VSTM2B: variants seen among roughly 807,000 people sequenced by gnomAD.
VSTM2B encodes the protein V-set and transmembrane domain-containing protein 2B.
Under a neutral mutation model 24.0 loss-of-function variants are expected in VSTM2B, and 24 were observed. The ratio of observed to expected loss-of-function variants is 1.00; its 90% CI spans 0.72 to 1.40. The LOEUF is 1.40. Among genes scored for constraint, VSTM2B ranks in the 40% most tolerant of loss-of-function variants. VSTM2B has a pLI of 0.00. For synonymous variants in VSTM2B, 226 were observed against 194.4 expected (o/e 1.16, Z -1.35); for missense variants, 399 against 416.4 (o/e 0.96, Z 0.36).
intron 4 of VSTM2B, among the ~76,000 whole-genome samples, chr19:29,548,549 TA>T (rs1251351136): frequency 2.6e-5 from 4 of 152,168 alleles, no homozygotes; most frequent in African/African-American, 9.7e-5. Context: ...AGGCTTTTAA[TA>T]AAACATCAAC....
At position 29,564,017 on chromosome 19, in the gene VSTM2B, A is replaced by G; in HGVS notation, c.*83A>G. ...GTGAGGACCATGTCGCTGGATGGAC[A>G]CAGAGAGACTGAGAGACGCATGAAA... On this transcript the variant is annotated 3_prime_UTR_variant, in exon 5 of 5. Coordinates refer to ENST00000335523, the MANE Select transcript of VSTM2B (RefSeq NM_001146339.2). 9.5e-7 allele frequency: 1 copy of G among 1,054,750 alleles called. No individual in the cohort carries two copies. Among genetic ancestry groups the G allele is most frequent in the East Asian group, 2.6e-5 (1 of 38,326 alleles). The allele number at this position is 1,054,750 out of a possible 1,614,324, so 65.3% of individuals were successfully genotyped here.
chr19:29,539,347 G>T (rs901091725), intron 4 of VSTM2B, among the ~76,000 whole-genome samples: 1 of 152,126 alleles, frequency 6.6e-6, no homozygotes, highest in African/African-American at 2.4e-5. Context: ...CTTTCGGGTG[G>T]CAAGGAGAAG....
At chr19:29,555,197 T>A (rs1192668982) in intron 4 of VSTM2B, among the ~76,000 whole-genome samples, 1 of 152,036 alleles carries the variant, frequency 6.6e-6, no homozygotes, top group African/African-American at 2.4e-5. Context: ...AGAACTGAGA[T>A]CATAACATTC....
chr19:29,561,150 A>G (rs1053038871), intron 4 of VSTM2B, among the ~76,000 whole-genome samples: 1 of 151,970 alleles, frequency 6.6e-6, no homozygotes, highest in Non-Finnish European at 1.5e-5. Flanking sequence ...CATCTCTGCT[A>G]AAAATACAAA....
At chr19:29,561,882 G>T (rs920044179) in intron 4 of VSTM2B, among the ~76,000 whole-genome samples, 2 of 152,190 alleles carry the variant, frequency 1.3e-5, no homozygotes, top group Admixed American at 6.5e-5. Flanking sequence ...AGTGACAAAC[G>T]CAGGACGATT....
At chr19:29,541,046 T>C (rs973219347) in intron 4 of VSTM2B, among the ~76,000 whole-genome samples, 6 of 152,172 alleles carry the variant, frequency 3.9e-5, no homozygotes, top group Non-Finnish European at 7.3e-5. Context: ...TGCAAAGGCC[T>C]CACAGAAGCT....
chr19:29,532,048 C>T (rs1319917204), intron 4 of VSTM2B, among the ~76,000 whole-genome samples: 1 of 152,228 alleles, frequency 6.6e-6, no homozygotes, highest in African/African-American at 2.4e-5. Context: ...CTCAGGCATG[C>T]ATTGTGTATG....
chr19:29,529,580 TA>T (rs1330231294), intron 3 of VSTM2B, among the ~76,000 whole-genome samples: 3 of 152,092 alleles, frequency 2.0e-5, no homozygotes, highest in African/African-American at 4.8e-5. Flanking sequence ...GGCGTTTGGT[TA>T]ACGTGATGGG....
At chr19:29,527,666 C>G (rs1314589980) in intron 2 of VSTM2B, among the ~76,000 whole-genome samples, 1 of 152,236 alleles carries the variant, frequency 6.6e-6, no homozygotes, top group Non-Finnish European at 1.5e-5. Flanking sequence ...AGCCTGGTCG[C>G]TTGCTCGTGC....
In VSTM2B at chr19:29,564,094, G is replaced by A. The variant is rs1247204438; in HGVS notation, c.*160G>A. Reference sequence around the variant, plus strand: ...ATATTTTTGGGAAAGTTACACAAATGTAGAACACCTAAAATAATGCATCTA... The same window carrying A: ...ATATTTTTGGGAAAGTTACACAAATATAGAACACCTAAAATAATGCATCTA... On this transcript the variant is annotated 3_prime_UTR_variant, in exon 5 of 5. Transcript: ENST00000335523. 1 of 614,474 alleles carries A rather than the reference G, an allele frequency of 1.6e-6. No homozygotes were observed. Among genetic ancestry groups the A allele is most frequent in the South Asian group, 2.0e-5 (1 of 49,994 alleles). The allele number at this position is 614,474 out of a possible 1,614,324, so 38.1% of individuals were successfully genotyped here.
In VSTM2B at chr19:29,530,049, AGCCAGCGCC is replaced by A. The variant is rs1454143160; in HGVS notation, c.533_541del (p.Ser178_Ala180del). 2.6e-6 allele frequency: 4 copies of A among 1,518,784 alleles called. No individual in the cohort carries two copies. Among genetic ancestry groups the A allele is most frequent in the Admixed American group, 2.0e-5 (1 of 49,284 alleles). The allele number at this position is 1,518,784 out of a possible 1,614,324, so 94.1% of individuals were successfully genotyped here. ...GCAGCGGCCCGCGTCGCCACGGCCC[AGCCAGCGCC>A]GCCAACGCCAACAACGCGGGCGCCG... On this transcript the variant is annotated inframe_deletion, in exon 4 of 5. Coordinates refer to ENST00000335523, the MANE Select transcript of VSTM2B (RefSeq NM_001146339.2).
At chr19:29,556,453 G>C (rs896344672) in intron 4 of VSTM2B, among the ~76,000 whole-genome samples, 1 of 152,170 alleles carries the variant, frequency 6.6e-6, no homozygotes, top group African/African-American at 2.4e-5. Context: ...AGCTGAAAGT[G>C]TTCCCCTTGA....
intron 4 of VSTM2B, among the ~76,000 whole-genome samples, chr19:29,538,062 A>G (rs1310057910): frequency 2.0e-5 from 3 of 152,192 alleles, no homozygotes; most frequent in African/African-American, 7.2e-5. Flanking sequence ...GCTGGCTCAC[A>G]GGTAAGCCAG....
intron 4 of VSTM2B, among the ~76,000 whole-genome samples, chr19:29,551,719 T>C (rs1289853756): frequency 6.6e-6 from 1 of 152,180 alleles, no homozygotes; most frequent in Non-Finnish European, 1.5e-5. Context: ...CAGCCTGATT[T>C]TGCACCTTAA....
intron 4 of VSTM2B, among the ~76,000 whole-genome samples, chr19:29,563,248 G>A (rs370781612): frequency 0.014 from 1,417 of 104,536 alleles, 11 homozygotes; most frequent in African/African-American, 0.021. Context: ...GAAGCATATT[G>A]TCTTTTTTTT....
At chr19:29,527,827 G>C (rs922010270) in intron 2 of VSTM2B, among the ~76,000 whole-genome samples, 1 of 152,170 alleles carries the variant, frequency 6.6e-6, no homozygotes, top group Admixed American at 6.5e-5. Flanking sequence ...CCGGAAAGCC[G>C]GCAGGACCTC....
rs898401706 is a variant in VSTM2B at position 29,527,103 on chromosome 19, G to T, written c.83-108G>T. 5 of 989,740 alleles carry T rather than the reference G, an allele frequency of 5.1e-6. No individual in the cohort carries two copies. The African/African-American group carries it at 6.5e-5, about 13-fold the overall frequency. The allele number at this position is 989,740 out of a possible 1,614,324, so 61.3% of individuals were successfully genotyped here. A position where few individuals can be genotyped will look rare whatever the true frequency, so the allele number is the denominator to read the frequency against. On this transcript the variant is annotated intron_variant, in intron 1 of 4. Transcript: ENST00000335523. ...GCCGTGCGCCAGGGAGCAGCTGCGG[G>T]GTGGGGGGCACAAGGCCAGCCAGCC...
chr19:29,559,772 T>C (rs1470878120), intron 4 of VSTM2B, among the ~76,000 whole-genome samples: 1 of 152,196 alleles, frequency 6.6e-6, no homozygotes, highest in Non-Finnish European at 1.5e-5. Flanking sequence ...TAACATCTAT[T>C]TGCATGGCAC....
At chr19:29,551,476 A>G (rs1422237073) in intron 4 of VSTM2B, among the ~76,000 whole-genome samples, 1 of 151,756 alleles carries the variant, frequency 6.6e-6, no homozygotes, top group Non-Finnish European at 1.5e-5. Flanking sequence ...GGGCAGGGGG[A>G]AGTAGAGATG....
Sources: gnomAD v4.1 joint callset for allele counts (sites outside exome capture counted in the v4.1 genomes callset) on GRCh38, gnomAD v4.1.1 for gene constraint, MANE v1.5 for transcripts, NCBI Gene and HGNC (gene_info 2026-07-23, HGNC 2026-07-21) for gene names.